LAMB1: variants seen among roughly 807,000 people sequenced by gnomAD.
The protein encoded by LAMB1 is laminin subunit beta 1.
In LAMB1, 121 loss-of-function variants were observed where a neutral mutation model predicts 222.3. That is an observed-to-expected ratio of 0.54 (90% CI 0.47 to 0.63). The LOEUF (loss-of-function observed/expected upper bound fraction) is 0.63, where lower values mean the gene tolerates loss of function less well. LAMB1 is among the 30% of genes least tolerant of loss of function. The pLI is 0.00. For synonymous variants in LAMB1, 794 were observed against 807.2 expected (o/e 0.98, Z 0.28); for missense variants, 2,172 against 2,240.8 (o/e 0.97, Z 0.62).
At chr7:107,997,502 G>A (rs2034302363) in intron 4 of LAMB1, among the ~76,000 whole-genome samples, 1 of 152,178 alleles carries the variant, frequency 6.6e-6, no homozygotes, top group Non-Finnish European at 1.5e-5. Context: ...AATGATAGAT[G>A]GCTGCAGCGG....
chr7:108,002,328 GCT>G, intron 2 of LAMB1: 2 of 1,316,674 alleles, frequency 1.5e-6, no homozygotes, highest in Non-Finnish European at 1.0e-6. Flanking sequence ...AGTCCCTGGG[GCT>G]CTGGAGTGGT....
chr7:107,952,231 A>G lies in LAMB1; in HGVS notation c.3080-8T>C. ...GGTAATTACAGACACACTCTGCAAA[A>G]GAACATCACATTTACTTATTGTCAC... On this transcript the variant is annotated splice_region_variant and splice_polypyrimidine_tract_variant and intron_variant, in intron 22 of 33. Coordinates refer to ENST00000222399, the MANE Select transcript of LAMB1 (RefSeq NM_002291.3). The G allele has an allele frequency of 6.3e-7, 1 of 1,584,502 alleles. No homozygotes were observed. Among genetic ancestry groups the G allele is most frequent in the Non-Finnish European group, 8.6e-7 (1 of 1,157,014 alleles).
chr7:107,940,632 C>A, intron 24 of LAMB1: 1 of 402,090 alleles, frequency 2.5e-6, no homozygotes, highest in Non-Finnish European at 4.6e-6. Context: ...CTATGGGATA[C>A]GTGTTATAAT....
At chr7:107,971,265 A>G (rs377589216) in intron 13 of LAMB1, among the ~76,000 whole-genome samples, 1 of 152,196 alleles carries the variant, frequency 6.6e-6, no homozygotes, top group Non-Finnish European at 1.5e-5. Flanking sequence ...AGTTTTTAAC[A>G]TCTTAGAAAT....
intron 31 of LAMB1, among the ~76,000 whole-genome samples, chr7:107,927,559 CCT>C (rs1368153131): frequency 6.6e-6 from 1 of 152,052 alleles, no homozygotes; most frequent in Non-Finnish European, 1.5e-5. Flanking sequence ...CTTAAGTGAT[CCT>C]CTCACCTCCA....
intron 13 of LAMB1, among the ~76,000 whole-genome samples, chr7:107,971,434 C>T (rs904117997): frequency 6.6e-6 from 1 of 152,194 alleles, no homozygotes; most frequent in African/African-American, 2.4e-5. Flanking sequence ...GTGCACATCT[C>T]CCAGTAGAAT....
chr7:107,972,935 T>C (rs965333450), intron 13 of LAMB1, 57 bp downstream of exon 13: 5 of 1,354,256 alleles, frequency 3.7e-6, no homozygotes, highest in African/African-American at 2.9e-5. Context: ...CCCATTCCTG[T>C]AAGTCATGAC....
In LAMB1 at chr7:107,973,024, A is replaced by C; in HGVS notation, c.1530T>G (p.Cys510Trp). The C allele has an allele frequency of 6.2e-7, 1 of 1,614,068 alleles. No individual in the cohort carries two copies. Among genetic ancestry groups the C allele is most frequent in the Non-Finnish European group, 8.5e-7 (1 of 1,179,892 alleles). ...TTAAGGCTCCCCCAAGGTCACAGTC[A>C]CATGGTCGACATCCATCCAAATCAT... is the stretch of plus-strand genomic sequence containing the variant. ...LSNDLDGCRP[C>W]DCDLGGALNN... The change falls in exon 13 of 34, where the codon TGT becomes TGG. Residue 510 changes from cysteine (C) to tryptophan (W), a missense_variant. By Grantham distance (215) the Cys-to-Trp change is radical. Coordinates refer to ENST00000222399, the MANE Select transcript of LAMB1 (RefSeq NM_002291.3).
intron 9 of LAMB1, among the ~76,000 whole-genome samples, chr7:107,977,313 T>G (rs2033886920): frequency 6.6e-6 from 1 of 151,980 alleles, no homozygotes; most frequent in Non-Finnish European, 1.5e-5. Context: ...GGAGGGGCAG[T>G]GGTGTTGCCG....
chr7:107,957,169 C>G (rs2150425618), intron 20 of LAMB1, among the ~76,000 whole-genome samples: 1 of 152,258 alleles, frequency 6.6e-6, no homozygotes, highest in South Asian at 2.1e-4. Context: ...GCGGGTGGAT[C>G]ACCTGAGGTT....
chr7:107,945,307 G>A (rs1051397097), intron 24 of LAMB1, among the ~76,000 whole-genome samples: 1 of 152,190 alleles, frequency 6.6e-6, no homozygotes, highest in Non-Finnish European at 1.5e-5. Context: ...GCCACAATGG[G>A]AAATAGTCTA....
At chr7:107,954,791 AAAAAC>A (rs1199356507) in intron 21 of LAMB1, among the ~76,000 whole-genome samples, 2 of 152,278 alleles carry the variant, frequency 1.3e-5, no homozygotes, top group African/African-American at 4.8e-5. Context: ...ACCCCGTCTC[AAAAAC>A]AAAACAAAAC....
At chr7:107,927,074 T>C (rs558474947) in intron 31 of LAMB1, among the ~76,000 whole-genome samples, 82 of 152,330 alleles carry the variant, frequency 5.4e-4, no homozygotes, top group Non-Finnish European at 1.0e-3. Flanking sequence ...AATTTTTCTT[T>C]AAAATGATCT....
At position 107,997,803 on chromosome 7, in the gene LAMB1, G is replaced by A. The variant is rs1317438022; in HGVS notation, c.349+554C>T. Among the ~76,000 whole-genome samples, 9 of 152,086 alleles carry A rather than the reference G, an allele frequency of 5.9e-5. No homozygotes were observed. In the South Asian group the frequency reaches 1.5e-3, roughly 25 times the overall value. ...ACCAAATCCCAAATAGCAAAGACAG[G>A]AAAAAGGGTGTAATTCATGCAATCA... is the stretch of plus-strand genomic sequence containing the variant. On this transcript the variant is annotated intron_variant, in intron 4 of 33. Coordinates refer to ENST00000222399, the MANE Select transcript of LAMB1 (RefSeq NM_002291.3).
At chr7:107,931,202 T>C (rs555241311) in intron 29 of LAMB1, among the ~76,000 whole-genome samples, 154 bp downstream of exon 29, 6 of 152,324 alleles carry the variant, frequency 3.9e-5, no homozygotes, top group African/African-American at 1.2e-4. Context: ...GATACACATA[T>C]ATAAGTTTAA....
Position 107,962,658 on chromosome 7 carries a change from G to A in LAMB1, c.1857+247C>T, listed in dbSNP as rs914227067. 2.0e-5 allele frequency among the ~76,000 whole-genome samples: 3 copies of A among 149,488 alleles called. No individual in the cohort carries two copies. In the South Asian group the frequency reaches 6.3e-4, roughly 31 times the overall value. ...GAACCCGGGAGGCGGAGATTGCAGT[G>A]AGCCGAGATGGCACCACTGCACTCC... On this transcript the variant is annotated intron_variant, in intron 15 of 33. Coordinates refer to ENST00000222399, the MANE Select transcript of LAMB1 (RefSeq NM_002291.3).
At chr7:107,951,637 C>G (rs1418545026) in intron 23 of LAMB1, among the ~76,000 whole-genome samples, 1 of 150,662 alleles carries the variant, frequency 6.6e-6, no homozygotes, top group African/African-American at 2.4e-5. Context: ...GGAGTATGCC[C>G]TCCTTAGCAT....
intron 29 of LAMB1, 190 bp from the exon 30 acceptor site, chr7:107,929,809 G>GT: frequency 3.3e-6 from 2 of 600,720 alleles, no homozygotes; most frequent in East Asian, 5.6e-5. Flanking sequence ...ACACAAAAAA[G>GT]TAACTGCAGA....
intron 9 of LAMB1, among the ~76,000 whole-genome samples, chr7:107,977,205 GGCT>G (rs2033885006): frequency 6.7e-6 from 1 of 148,696 alleles, no homozygotes; most frequent in Admixed American, 6.8e-5. Context: ...AGCTCTCACT[GGCT>G]GCTGAACTTC....
Sources: gnomAD v4.1 joint callset for allele counts (sites outside exome capture counted in the v4.1 genomes callset) on GRCh38, gnomAD v4.1.1 for gene constraint, MANE v1.5 for transcripts, NCBI Gene and HGNC (gene_info 2026-07-23, HGNC 2026-07-21) for gene names.